The following KIAA1614 variants were observed in gnomAD, a reference collection of about 807,000 sequenced individuals.
KIAA1614 encodes the protein uncharacterized protein KIAA1614.
Under a neutral mutation model 88.7 loss-of-function variants are expected in KIAA1614, and 76 were observed. The ratio of observed to expected loss-of-function variants is 0.86; its 90% CI spans 0.71 to 1.04. The LOEUF (loss-of-function observed/expected upper bound fraction) is 1.04, where lower values mean the gene tolerates loss of function less well. Ranked by LOEUF, KIAA1614 falls within the 50% of genes least tolerant of loss-of-function variation. The pLI is 0.00. For synonymous variants in KIAA1614, 714 were observed against 675.5 expected, an observed-to-expected ratio of 1.06 and a Z score of -0.88; for missense variants, 1,553 against 1,582.5, an observed-to-expected ratio of 0.98 and a Z score of 0.32.
chr1:180,928,740 A>T (rs2102264611), intron 4 of KIAA1614, among the ~76,000 whole-genome samples, 167 bp downstream of exon 4: 1 of 152,360 alleles, frequency 6.6e-6, no homozygotes, highest in South Asian at 2.1e-4. Flanking sequence ...GTCAGTCAAC[A>T]CACCTTTCCT....
At chr1:180,915,284 G>T (rs893413354) in intron 1 of KIAA1614, among the ~76,000 whole-genome samples, 2 of 152,230 alleles carry the variant, frequency 1.3e-5, no homozygotes, top group African/African-American at 4.8e-5. Context: ...GGTGAGGTTG[G>T]ATGCAGCACC....
At chr1:180,917,599 T>C (rs1034818721) in intron 2 of KIAA1614, among the ~76,000 whole-genome samples, 1 of 152,086 alleles carries the variant, frequency 6.6e-6, no homozygotes, top group Non-Finnish European at 1.5e-5. Flanking sequence ...CCTCCCGCCT[T>C]CTCATTCCAA....
chr1:180,945,672 G>A lies in KIAA1614; in HGVS notation c.*84G>A, dbSNP rs985236743. 1 of 1,475,534 alleles carries A rather than the reference G, an allele frequency of 6.8e-7. No homozygotes were observed. The highest frequency in any genetic ancestry group is 1.4e-5 in the African/African-American group (1 of 69,474). 91.4% of individuals were successfully genotyped at this position (1,475,534 alleles called of 1,614,324 possible). A position where few individuals can be genotyped will look rare whatever the true frequency, so the allele number is the denominator to read the frequency against. ...AGGGGCTCTTTCTGAATTGTCCAGG[G>A]CTCTCTAGGAGTCTGCACCTGCAGA... On this transcript the variant is annotated 3_prime_UTR_variant, in exon 9 of 9. Coordinates refer to ENST00000367588, the MANE Select transcript of KIAA1614 (RefSeq NM_020950.2).
intron 3 of KIAA1614, 106 bp downstream of exon 3, chr1:180,918,020 A>C: frequency 2.2e-6 from 2 of 919,678 alleles, no homozygotes; most frequent in Non-Finnish European, 3.5e-6. Context: ...GAGGGCAGGC[A>C]GACTCCTGCA....
chr1:180,917,093 T>G lies in KIAA1614; in HGVS notation c.990T>G (p.Ala330=). 2 of 1,612,338 alleles carry G rather than the reference T, an allele frequency of 1.2e-6. No individual in the cohort carries two copies. The highest frequency in any genetic ancestry group is 1.7e-6 in the Non-Finnish European group (2 of 1,179,508). The change falls in exon 2 of 9, where the codon GCT becomes GCG. Residue 330 remains alanine (A), a synonymous_variant. Coordinates refer to ENST00000367588, the MANE Select transcript of KIAA1614 (RefSeq NM_020950.2). The part of the protein sequence containing the change: ...TPAWTPSWDT[A]APERPVGDVD... ...CCTGGACTCCATCCTGGGACACAGCTGCACCAGGTGAAGCTCACTGTGTAG... is the reference window on the plus strand; with the variant it reads ...CCTGGACTCCATCCTGGGACACAGCGGCACCAGGTGAAGCTCACTGTGTAG...
At position 180,935,413 on chromosome 1, in the gene KIAA1614, C is replaced by A; in HGVS notation, c.1504C>A (p.Pro502Thr). Residue 502 changes from proline (P) to threonine (T), a missense_variant, in exon 5 of 9, where the codon CCC becomes ACC. Pro to Thr is a conservative substitution (Grantham distance 38). Coordinates refer to ENST00000367588, the MANE Select transcript of KIAA1614 (RefSeq NM_020950.2). This position sits in a 1 kb window ranked among gnomAD's most constrained non-coding sequence, Gnocchi z 6.1. The part of the protein sequence containing the change: ...PDLADYINGA[P>T]RLRDAGQGTF... ...CCTCGCCGACTACATCAACGGGGCT[C>A]CCCGGCTCCGGGACGCGGGGCAGGG... 6.8e-7 allele frequency: 1 copy of A among 1,473,908 alleles called. No homozygotes were observed. Among genetic ancestry groups the A allele is most frequent in the Non-Finnish European group, 8.9e-7 (1 of 1,119,140 alleles). 91.3% of individuals were successfully genotyped at this position (1,473,908 alleles called of 1,614,324 possible).
In KIAA1614 at chr1:180,916,778, T is replaced by G. The variant is rs1252658343; in HGVS notation, c.675T>G (p.Gly225=). 1.2e-6 allele frequency: 2 copies of G among 1,614,156 alleles called. No homozygotes were observed. Among genetic ancestry groups the G allele is most frequent in the Non-Finnish European group, 1.7e-6 (2 of 1,180,016 alleles). ...GVTPGRPGGP[G]HCNKIIHIPS... The stretch of plus-strand genomic sequence containing the variant: ...CTCCCGGACGGCCTGGGGGTCCTGG[T>G]CATTGTAACAAAATCATCCACATTC... The change falls in exon 2 of 9, where the codon GGT becomes GGG. Residue 225 remains glycine (G), a synonymous_variant. Coordinates refer to ENST00000367588, the MANE Select transcript of KIAA1614 (RefSeq NM_020950.2).
In KIAA1614 at chr1:180,950,052, G is replaced by GTT. The variant is rs1320976131; in HGVS notation, c.*4466_*4467dup. The GTT allele has an allele frequency of 6.5e-6, 1 of 153,092 alleles. No individual in the cohort carries two copies. The highest frequency in any genetic ancestry group is 2.4e-5 in the African/African-American group (1 of 41,466). 9.5% of individuals were successfully genotyped at this position (153,092 alleles called of 1,614,324 possible). A position where few individuals can be genotyped will look rare whatever the true frequency, so the allele number is the denominator to read the frequency against. On this transcript the variant is annotated 3_prime_UTR_variant, in exon 9 of 9. Coordinates refer to ENST00000367588, the MANE Select transcript of KIAA1614 (RefSeq NM_020950.2). ...TGTCAGGTATAAATAAATGACAACA[G>GTT]TTTAACGCGTTATTTGCACTAGGAG...
intron 7 of KIAA1614, among the ~76,000 whole-genome samples, chr1:180,943,108 C>T (rs1215704662): frequency 6.6e-6 from 1 of 151,472 alleles, no homozygotes; most frequent in Non-Finnish European, 1.5e-5. Flanking sequence ...CTCACTGCAA[C>T]CTCGACCTCC....
At chr1:180,930,642 A>G (rs1333409680) in intron 4 of KIAA1614, among the ~76,000 whole-genome samples, 1 of 152,232 alleles carries the variant, frequency 6.6e-6, no homozygotes, top group African/African-American at 2.4e-5. Context: ...ATGTCACTCT[A>G]GCAGCTCACA....
intron 3 of KIAA1614, among the ~76,000 whole-genome samples, chr1:180,922,174 T>C (rs991323703): frequency 2.0e-5 from 3 of 152,160 alleles, no homozygotes; most frequent in Admixed American, 6.5e-5. Flanking sequence ...GTATGTGTGA[T>C]TTGGGAGGCC....
At chr1:180,942,378 T>C (rs1358649777) in intron 7 of KIAA1614, among the ~76,000 whole-genome samples, 1 of 152,208 alleles carries the variant, frequency 6.6e-6, no homozygotes, top group East Asian at 1.9e-4. Context: ...TCAGGTGGTC[T>C]GTTTCTCCTA....
chr1:180,913,601 T>A (rs909553439), intron 1 of KIAA1614, among the ~76,000 whole-genome samples: 1 of 152,200 alleles, frequency 6.6e-6, no homozygotes, highest in Non-Finnish European at 1.5e-5. Context: ...TGGCGTGCTG[T>A]TCCAGAGTTT....
intron 8 of KIAA1614, 91 bp from the exon 9 acceptor site, chr1:180,945,212 C>T (rs1654561887): frequency 7.2e-7 from 1 of 1,395,610 alleles, no homozygotes; most frequent in South Asian, 1.5e-5. Flanking sequence ...GCTCTTAAGT[C>T]TGTGAGGCAT....
At chr1:180,937,833 T>A (rs1571298684) in intron 5 of KIAA1614, among the ~76,000 whole-genome samples, 1 of 152,268 alleles carries the variant, frequency 6.6e-6, no homozygotes, top group East Asian at 1.9e-4. Context: ...CCTTCTCTGG[T>A]GGGCTCTAGG....
chr1:180,942,227 T>C (rs1197954041), intron 7 of KIAA1614, among the ~76,000 whole-genome samples: 1 of 152,248 alleles, frequency 6.6e-6, no homozygotes, highest in Non-Finnish European at 1.5e-5. Context: ...CTAGGGAAGC[T>C]AGTGCAGTAC....
rs770541802 is a variant in KIAA1614, at chr1:180,944,360, C to T, written c.3160-29C>T. 7.5e-6 allele frequency: 12 copies of T among 1,608,130 alleles called. No homozygotes were observed. In the South Asian group the frequency reaches 1.2e-4, roughly 16 times the overall value. ...TCAGCACCTCCCAGGTAGCTTTTCTCACCCGCAATATTGTCCCTTTCTCAT... is the reference window on the plus strand; with the variant it reads ...TCAGCACCTCCCAGGTAGCTTTTCTTACCCGCAATATTGTCCCTTTCTCAT... On this transcript the variant is annotated intron_variant, in intron 7 of 8. Transcript: ENST00000367588.
At position 180,935,732 on chromosome 1, in the gene KIAA1614, T is replaced by C. The variant is rs200170063; in HGVS notation, c.1823T>C (p.Val608Ala). The change falls in exon 5 of 9, where the codon GTG (valine) becomes GCG (alanine). Residue 608 changes from valine to alanine, a missense_variant. Val to Ala is a moderately conservative substitution (Grantham distance 64). Transcript: ENST00000367588. The surrounding 1 kb of genome is among the most constrained non-coding windows in gnomAD (Gnocchi z 6.1). ...HIGDTVCPAE[V>A]DSALDSTDNS... ...GGAGACACCGTGTGCCCTGCGGAGG[T>C]GGACTCTGCCCTGGACAGCACAGAC... 8 of 1,613,694 alleles carry C rather than the reference T, an allele frequency of 5.0e-6. No homozygotes were observed. The Admixed American group carries it at 1.3e-4, about 27-fold the overall frequency.
intron 7 of KIAA1614, among the ~76,000 whole-genome samples, chr1:180,942,728 T>C (rs1028689401): frequency 2.0e-5 from 3 of 152,142 alleles, no homozygotes; most frequent in Admixed American, 1.3e-4. Context: ...AGGACTTCCA[T>C]CTCTGTAAGC....
Sources: allele counts gnomAD v4.1 joint callset (sites outside exome capture counted in the v4.1 genomes callset), GRCh38; gene constraint gnomAD v4.1.1; non-coding constraint Gnocchi (gnomAD v3.1); transcripts MANE v1.5; gene names NCBI Gene and HGNC (gene_info 2026-07-23, HGNC 2026-07-21).